Variants in PANK1 observed in about 807,000 individuals in gnomAD.
The protein encoded by PANK1 is pantothenic acid kinase 1.
PANK1 carries 18 observed loss-of-function variants against 40.1 expected under a neutral mutation model. The ratio of observed to expected loss-of-function variants is 0.45; its 90% CI spans 0.31 to 0.67. PANK1 has a LOEUF of 0.67. Ranked by LOEUF, PANK1 falls within the 30% of genes least tolerant of loss-of-function variation. PANK1 has a pLI of 0.06. For synonymous variants in PANK1, 242 were observed against 237.7 expected (o/e 1.02, Z -0.17); for missense variants, 457 against 599.6 (o/e 0.76, Z 2.48).
At chr10:89,622,611 G>A (rs184131911) in intron 1 of PANK1, among the ~76,000 whole-genome samples, 55 of 152,156 alleles carry the variant, frequency 3.6e-4, no homozygotes, top group Middle Eastern at 6.8e-3. Flanking sequence ...CGAGGTGGGC[G>A]GATCACGAGG....
At position 89,593,177 on chromosome 10, in the gene PANK1, C is replaced by G. The variant is rs751716304; in HGVS notation, c.1200+20G>C. On this transcript the variant is annotated intron_variant, in intron 5 of 6. Transcript: ENST00000307534. The stretch of plus-strand genomic sequence containing the variant: ...TATATGAATGACACACAGCTTTCAC[C>G]GGGTTGAGTAAGGCCTTACCTCATT... 5.6e-6 allele frequency: 9 copies of G among 1,611,346 alleles called. No individual in the cohort carries two copies. In the East Asian group the frequency reaches 2.0e-4, roughly 36 times the overall value.
chr10:89,589,388 A>G (rs1342348016), intron 5 of PANK1, among the ~76,000 whole-genome samples: 1 of 152,168 alleles, frequency 6.6e-6, no homozygotes, highest in African/African-American at 2.4e-5. Context: ...CTGAACATAC[A>G]CTTATGAACA....
intron 2 of PANK1, among the ~76,000 whole-genome samples, chr10:89,601,696 A>G (rs1247560181): frequency 6.6e-6 from 1 of 152,210 alleles, no homozygotes; most frequent in African/African-American, 2.4e-5. Context: ...TAAACATTCT[A>G]AATGACCCAT....
At chr10:89,599,961 A>T (rs1308914737) in intron 2 of PANK1, among the ~76,000 whole-genome samples, 1 of 152,166 alleles carries the variant, frequency 6.6e-6, no homozygotes, top group Non-Finnish European at 1.5e-5. Context: ...AAAGATGCAA[A>T]GGAGAAGGCC....
At chr10:89,606,118 C>T (rs1269352002) in intron 2 of PANK1, among the ~76,000 whole-genome samples, 1 of 152,140 alleles carries the variant, frequency 6.6e-6, no homozygotes, top group Non-Finnish European at 1.5e-5. Flanking sequence ...CTTATTGTTA[C>T]ATTCGTAAAG....
intron 6 of PANK1, among the ~76,000 whole-genome samples, chr10:89,586,852 C>T (rs983718321): frequency 6.6e-6 from 1 of 152,076 alleles, no homozygotes; most frequent in Non-Finnish European, 1.5e-5. Context: ...GTAAGGGGGC[C>T]GGGGTGGCTC....
At chr10:89,636,625 G>C (rs1304999927) in intron 1 of PANK1, among the ~76,000 whole-genome samples, 4 of 150,974 alleles carry the variant, frequency 2.6e-5, no homozygotes, top group Non-Finnish European at 5.9e-5. Context: ...CTAATTTTTT[G>C]TATTTTTAGT....
intron 1 of PANK1, among the ~76,000 whole-genome samples, chr10:89,632,039 C>T (rs1000554122): frequency 4.7e-5 from 7 of 150,090 alleles, no homozygotes; most frequent in African/African-American, 1.7e-4. Flanking sequence ...TAATACTAAA[C>T]ATATGATTTC....
intron 2 of PANK1, among the ~76,000 whole-genome samples, chr10:89,607,289 GGAGA>G (rs938901355): frequency 1.3e-5 from 2 of 152,194 alleles, no homozygotes; most frequent in Admixed American, 6.5e-5. Flanking sequence ...CCTGAGGTAG[GGAGA>G]GAGATGGGGG....
chr10:89,606,913 G>C (rs1396890909), intron 2 of PANK1, among the ~76,000 whole-genome samples: 1 of 152,184 alleles, frequency 6.6e-6, no homozygotes, highest in Non-Finnish European at 1.5e-5. Context: ...TTAGACTTTG[G>C]CTTAAGGGAA....
chr10:89,588,617 A>G, intron 6 of PANK1, 35 bp downstream of exon 6: 1 of 1,541,938 alleles, frequency 6.5e-7, no homozygotes, highest in Non-Finnish European at 8.7e-7. Flanking sequence ...AATATACTCC[A>G]CATATGACAG....
chr10:89,584,241 CTAAGAG>C lies in PANK1; in HGVS notation c.*159_*164del, dbSNP rs1185267064. Reference sequence around the variant, plus strand: ...CCGTTTTGAATCATTAGCTCAAAACCTAAGAGTAAAAGATCATCTGGAAGGATTTTA... The same window carrying C: ...CCGTTTTGAATCATTAGCTCAAAACCTAAAAGATCATCTGGAAGGATTTTA... On this transcript the variant is annotated 3_prime_UTR_variant, in exon 7 of 7. Coordinates refer to ENST00000307534, the MANE Select transcript of PANK1 (RefSeq NM_148977.3). 1.7e-6 allele frequency: 1 copy of C among 584,776 alleles called. No individual in the cohort carries two copies. Among genetic ancestry groups the C allele is most frequent in the Non-Finnish European group, 3.1e-6 (1 of 320,352 alleles). 36.2% of individuals were successfully genotyped at this position (584,776 alleles called of 1,614,324 possible). A position where few individuals can be genotyped will look rare whatever the true frequency, so the allele number is the denominator to read the frequency against.
chr10:89,630,476 G>C (rs529072541), intron 1 of PANK1, among the ~76,000 whole-genome samples: 77 of 151,100 alleles, frequency 5.1e-4, no homozygotes, highest in Admixed American at 8.6e-4. Flanking sequence ...AACATTAGGT[G>C]ATCTCTAATG....
intron 2 of PANK1, among the ~76,000 whole-genome samples, chr10:89,604,046 T>A (rs929266582): frequency 6.6e-6 from 1 of 152,138 alleles, no homozygotes; most frequent in Non-Finnish European, 1.5e-5. Flanking sequence ...TTAAGACTGG[T>A]CCCTTGGAGA....
intron 1 of PANK1, among the ~76,000 whole-genome samples, chr10:89,612,575 A>T (rs958605170): frequency 6.6e-6 from 1 of 152,202 alleles, no homozygotes; most frequent in Non-Finnish European, 1.5e-5. Flanking sequence ...TTGCTTTATG[A>T]ACTGACTTTA....
chr10:89,644,846 G>A lies in PANK1; in HGVS notation c.46C>T (p.Pro16Ser). The A allele has an allele frequency of 1.4e-6, 2 of 1,473,052 alleles. No individual in the cohort carries two copies. Among genetic ancestry groups the A allele is most frequent in the South Asian group, 1.4e-5 (1 of 72,528 alleles). 91.2% of individuals were successfully genotyped at this position (1,473,052 alleles called of 1,614,324 possible). ...GQQERSVPHS[P>S]GAPVGTSAAA... ...GCGCTGGTGCCCACGGGGGCCCCTGGAGAGTGCGGGACCGAGCGCTCCTGC... is the reference window on the plus strand; with the variant it reads ...GCGCTGGTGCCCACGGGGGCCCCTGAAGAGTGCGGGACCGAGCGCTCCTGC... The change falls in exon 1 of 7, where the codon CCA becomes TCA. Residue 16 changes from proline to serine, a missense_variant. Physicochemically the swap from Pro to Ser is moderately conservative, Grantham distance 74. Around this residue, in one of 4 missense-constraint regions of PANK1, gnomAD observed 144 missense variants for 131.2 expected, o/e 1.10. Transcript: ENST00000307534.
chr10:89,595,836 ATATATATATATATATATAT>A (rs1844572985), intron 3 of PANK1, among the ~76,000 whole-genome samples: 2 of 46,314 alleles, frequency 4.3e-5, no homozygotes, highest in African/African-American at 3.0e-4. Context: ...AAAAAAAAAT[ATATATATATATATATATAT>A]ATATATATAT....
intron 1 of PANK1, among the ~76,000 whole-genome samples, chr10:89,628,902 C>A (rs913107601): frequency 6.6e-6 from 1 of 152,124 alleles, no homozygotes; most frequent in African/African-American, 2.4e-5. Context: ...ACATGCGCTT[C>A]CCAGGCTGCT....
At position 89,608,030 on chromosome 10, in the gene PANK1, C is replaced by CT. The variant is rs33976210; in HGVS notation, c.645+3665dup. ...ATTTGGTTATGACAATGATCCTAAACTTTTTTTTTTTTTTTTTTTGAGGTG... is the reference window on the plus strand; with the variant it reads ...ATTTGGTTATGACAATGATCCTAAACTTTTTTTTTTTTTTTTTTTTGAGGTG... On this transcript the variant is annotated intron_variant, in intron 2 of 6. Coordinates refer to ENST00000307534, the MANE Select transcript of PANK1 (RefSeq NM_148977.3). Among the ~76,000 whole-genome samples, 1,008 of 110,962 alleles carry CT rather than the reference C, an allele frequency of 9.1e-3. 30 individuals are homozygous for CT. Among genetic ancestry groups the CT allele is most frequent in the South Asian group, 0.078 (257 of 3,314 alleles). The allele number at this position is 110,962 out of a possible 152,430, so 72.8% of individuals were successfully genotyped here.
Sources: gnomAD v4.1 joint callset for allele counts (sites outside exome capture counted in the v4.1 genomes callset) on GRCh38, gnomAD v4.1.1 for gene constraint, gnomAD v4.1.1 regional missense constraint, MANE v1.5 for transcripts, NCBI Gene and HGNC (gene_info 2026-07-23, HGNC 2026-07-21) for gene names.